CDC73: variants seen among roughly 807,000 people sequenced by gnomAD.
CDC73 encodes the protein cell division cycle 73.
CDC73 carries 21 observed loss-of-function variants against 83.7 expected under a neutral mutation model. The observed-to-expected ratio is 0.25, with a 90% CI of 0.18 to 0.36. The LOEUF is 0.36. CDC73 is among the 10% of genes least tolerant of loss of function. The pLI is 1.00. For missense variants in CDC73, 342 were observed against 653.3 expected, an observed-to-expected ratio of 0.52 and a Z score of 5.19; for synonymous variants, 224 against 212.9, an observed-to-expected ratio of 1.05 and a Z score of -0.45.
intron 10 of CDC73, among the ~76,000 whole-genome samples, chr1:193,197,429 C>T (rs1192140435): frequency 6.6e-6 from 1 of 152,016 alleles, no homozygotes; most frequent in African/African-American, 2.4e-5. Context: ...GGGCAGTGAG[C>T]TGAAAATACA....
At chr1:193,139,699 C>CT (rs1192860268) in intron 6 of CDC73, among the ~76,000 whole-genome samples, 7 of 151,826 alleles carry the variant, frequency 4.6e-5, no homozygotes, top group Admixed American at 1.3e-4. Context: ...TCATCTTTAG[C>CT]TTTTTTTTGG....
intron 13 of CDC73, among the ~76,000 whole-genome samples, chr1:193,227,286 G>A (rs566747359): frequency 2.0e-4 from 31 of 152,018 alleles, no homozygotes; most frequent in African/African-American, 7.5e-4. Flanking sequence ...ATGTAAAGCA[G>A]CACACTGGTT....
At chr1:193,188,887 A>G (rs6665666) in intron 10 of CDC73, among the ~76,000 whole-genome samples, 109,890 of 151,754 alleles carry the variant, frequency 0.72, 40,048 homozygotes, top group South Asian at 0.82. Context: ...AAAGGTGCCT[A>G]TGTACTTAAC....
At position 193,221,399 on chromosome 1, in the gene CDC73, G is replaced by GT. The variant is rs148252830; in HGVS notation, c.1154+8930dup. 2.8e-3 allele frequency among the ~76,000 whole-genome samples: 423 copies of GT among 150,366 alleles called. 3 individuals carry two copies. The highest frequency in any genetic ancestry group is 0.019 in the East Asian group (99 of 5,114). On this transcript the variant is annotated intron_variant, in intron 13 of 16. Coordinates refer to ENST00000367435, the MANE Select transcript of CDC73 (RefSeq NM_024529.5). ...GTATTGTGTTGTTTTTTTGTTTTTTGTTTTTTTTGGCATTTACTGTATTTT... is the reference window on the plus strand; with the variant it reads ...GTATTGTGTTGTTTTTTTGTTTTTTGTTTTTTTTTGGCATTTACTGTATTTT...
At chr1:193,233,447 TTCTAAATAGAAACTG>T (rs1158630760) in intron 14 of CDC73, among the ~76,000 whole-genome samples, 3 of 152,252 alleles carry the variant, frequency 2.0e-5, no homozygotes, top group African/African-American at 7.2e-5. Context: ...TTATCATGGG[TTCTAAATAGAAACTG>T]TCTTTGAAAA....
rs573986487 is a variant in CDC73, at chr1:193,143,977, G to A, written c.729+1911G>A. Reference sequence around the variant, plus strand: ...ATACAAAAATTAGTGGGGCATGGTGGCATGCGCTTGTAATCACAGCTACCT... The same window carrying A: ...ATACAAAAATTAGTGGGGCATGGTGACATGCGCTTGTAATCACAGCTACCT... On this transcript the variant is annotated intron_variant, in intron 7 of 16. Transcript: ENST00000367435. Among the ~76,000 whole-genome samples the A allele has an allele frequency of 3.9e-3, 591 of 152,046 alleles. 5 individuals carry two copies. Among genetic ancestry groups the A allele is most frequent in the Non-Finnish European group, 6.1e-3 (412 of 67,990 alleles).
intron 13 of CDC73, among the ~76,000 whole-genome samples, chr1:193,226,815 G>T (rs1677574030): frequency 6.6e-6 from 1 of 152,098 alleles, no homozygotes; most frequent in South Asian, 2.1e-4. Context: ...TTTGGTCTTA[G>T]GGTATTACAG....
intron 3 of CDC73, among the ~76,000 whole-genome samples, chr1:193,131,622 A>G (rs967503804): frequency 4.6e-5 from 7 of 152,222 alleles, no homozygotes; most frequent in Non-Finnish European, 1.5e-5. Context: ...CTGTGACTCC[A>G]TCTTCTACCA....
At chr1:193,199,431 G>T (rs10801189) in intron 10 of CDC73, among the ~76,000 whole-genome samples, 92,814 of 151,836 alleles carry the variant, frequency 0.61, 29,044 homozygotes, top group South Asian at 0.77. Flanking sequence ...AGAAGTTCAG[G>T]CCGGGCACGA....
chr1:193,167,961 A>G (rs533902578), intron 10 of CDC73, among the ~76,000 whole-genome samples: 2 of 152,276 alleles, frequency 1.3e-5, no homozygotes, highest in African/African-American at 4.8e-5. Context: ...CCCGGGTTCA[A>G]GCAGTTCTCC....
At chr1:193,151,620 T>C (rs2103133091) in intron 9 of CDC73, among the ~76,000 whole-genome samples, 1 of 152,352 alleles carries the variant, frequency 6.6e-6, no homozygotes, top group Middle Eastern at 3.4e-3. Context: ...ACAACATTGC[T>C]TTCTATAAAA....
intron 13 of CDC73, among the ~76,000 whole-genome samples, chr1:193,217,031 A>G (rs1277972989): frequency 2.6e-5 from 4 of 152,096 alleles, no homozygotes; most frequent in African/African-American, 9.7e-5. Flanking sequence ...ACCAGAACAA[A>G]CCAAGGATGT....
intron 10 of CDC73, among the ~76,000 whole-genome samples, chr1:193,164,243 A>G (rs1208460426): frequency 1.3e-5 from 2 of 152,240 alleles, no homozygotes; most frequent in East Asian, 1.9e-4. Context: ...GTAACAGATC[A>G]AAGGAGAAAT....
chr1:193,128,977 C>T (rs1039560102), intron 2 of CDC73, among the ~76,000 whole-genome samples: 5 of 151,206 alleles, frequency 3.3e-5, no homozygotes, highest in Admixed American at 1.3e-4. Context: ...TAGGCTTCTG[C>T]CATCACGCCC....
chr1:193,215,002 G>C (rs1677340344), intron 13 of CDC73, among the ~76,000 whole-genome samples: 1 of 152,220 alleles, frequency 6.6e-6, no homozygotes, highest in African/African-American at 2.4e-5. Flanking sequence ...GAGCTCACAT[G>C]AGAGTGGTAC....
chr1:193,164,605 GT>G (rs567463583), intron 10 of CDC73, among the ~76,000 whole-genome samples: 54 of 152,088 alleles, frequency 3.6e-4, no homozygotes, highest in Non-Finnish European at 6.3e-4. Context: ...TCCTTCAAAT[GT>G]TTAGTGGTAT....
rs1678078745 is a variant in CDC73 at position 193,253,598 on chromosome 1, T to TC, written c.*2889dup. The TC allele has an allele frequency of 4.3e-6, 1 of 231,840 alleles. No individual in the cohort carries two copies. Among genetic ancestry groups the TC allele is most frequent in the African/African-American group, 2.2e-5 (1 of 45,284 alleles). The allele number at this position is 231,840 out of a possible 1,614,324, so 14.4% of individuals were successfully genotyped here. The stretch of plus-strand genomic sequence containing the variant: ...TAACTAGTATTATAGTTTGTTTTTT[T>TC]CCCATGTCTCCATAACTTTTACTAA... On this transcript the variant is annotated 3_prime_UTR_variant, in exon 17 of 17. Transcript: ENST00000367435.
At chr1:193,224,027 T>G (rs766248771) in intron 13 of CDC73, among the ~76,000 whole-genome samples, 1 of 152,054 alleles carries the variant, frequency 6.6e-6, no homozygotes, top group Non-Finnish European at 1.5e-5. Flanking sequence ...CTTTGATAGC[T>G]ATTTTGAAAT....
At position 193,128,547 on chromosome 1, in the gene CDC73, C is replaced by G. The variant is rs569173074; in HGVS notation, c.238-1627C>G. On this transcript the variant is annotated intron_variant, in intron 2 of 16. Transcript: ENST00000367435. ...CTCGAACTCCTGGGCTCCAGCAATC[C>G]ACCCACTTTGGCCTCCCAGAGTGTT... is the stretch of plus-strand genomic sequence containing the variant. Among the ~76,000 whole-genome samples, 81 of 152,058 alleles carry G rather than the reference C, an allele frequency of 5.3e-4. 1 individual carries two copies. The highest frequency in any genetic ancestry group is 1.8e-3 in the African/African-American group (74 of 41,386).
Sources: gnomAD v4.1 joint callset for allele counts (sites outside exome capture counted in the v4.1 genomes callset) on GRCh38, gnomAD v4.1.1 for gene constraint, MANE v1.5 for transcripts, NCBI Gene and HGNC (gene_info 2026-07-23, HGNC 2026-07-21) for gene names.